Variants in ATP2B4 observed in about 807,000 individuals in gnomAD.
ATP2B4 encodes the protein plasma membrane calcium-transporting ATPase 4.
A neutral mutation model predicts 110.3 loss-of-function variants in ATP2B4; 39 were observed. The ratio of observed to expected loss-of-function variants is 0.35; its 90% confidence interval spans 0.27 to 0.46. The LOEUF (loss-of-function observed/expected upper bound fraction) is 0.46. Ranked by LOEUF, ATP2B4 falls within the 20% of genes least tolerant of loss-of-function variation. ATP2B4 has a pLI of 1.00. For missense variants in ATP2B4, 1,135 were observed against 1,530.9 expected, an observed-to-expected ratio of 0.74 and a Z score of 4.32; for synonymous variants, 538 against 571.7, an observed-to-expected ratio of 0.94 and a Z score of 0.84.
chr1:203,734,246 T>A (rs1444593093), intron 20 of ATP2B4, among the ~76,000 whole-genome samples: 2 of 149,952 alleles, frequency 1.3e-5, no homozygotes, highest in Non-Finnish European at 3.0e-5. Context: ...GAGGTTACAG[T>A]GAGCCAAGTG....
chr1:203,648,853 C>T (rs1349089752), intron 1 of ATP2B4, among the ~76,000 whole-genome samples: 1 of 152,182 alleles, frequency 6.6e-6, no homozygotes, highest in Non-Finnish European at 1.5e-5. Flanking sequence ...TTCATCATTA[C>T]ATTGGTTATC....
rs1289456075 is a variant in ATP2B4, at chr1:203,629,295, T to C, written c.-465+2076T>C. ...GGGAGGGGATCCATTTCTATACTCCTCCTCGGGAGTCCCATCCTCCCTGCC... is the reference window on the plus strand; with the variant it reads ...GGGAGGGGATCCATTTCTATACTCCCCCTCGGGAGTCCCATCCTCCCTGCC... On this transcript the variant is annotated intron_variant, in intron 1 of 20. Transcript: ENST00000357681. The surrounding 1 kb of genome is among the most constrained non-coding windows in gnomAD (Gnocchi z 4.6). Among the ~76,000 whole-genome samples the C allele has an allele frequency of 6.6e-6, 1 of 152,206 alleles. No individual in the cohort carries two copies. Among genetic ancestry groups the C allele is most frequent in the Non-Finnish European group, 1.5e-5 (1 of 68,024 alleles).
At chr1:203,648,214 C>T (rs1406888433) in intron 1 of ATP2B4, among the ~76,000 whole-genome samples, 1 of 151,932 alleles carries the variant, frequency 6.6e-6, no homozygotes, top group Non-Finnish European at 1.5e-5. Context: ...CCTTCATTCT[C>T]TTAAATGTAT....
chr1:203,717,066 C>T (rs1279039139), intron 15 of ATP2B4, among the ~76,000 whole-genome samples: 1 of 145,958 alleles, frequency 6.9e-6, no homozygotes, highest in Non-Finnish European at 1.5e-5. Flanking sequence ...GGCATGATGG[C>T]GGGCGCCTGT....
chr1:203,683,523 A>G (rs1665079952), intron 2 of ATP2B4, 125 bp downstream of exon 2: 10 of 947,068 alleles, frequency 1.1e-5, no homozygotes, highest in Non-Finnish European at 1.5e-5. Flanking sequence ...TCTGGTGGGA[A>G]AGGTATGGCA....
intron 1 of ATP2B4, among the ~76,000 whole-genome samples, chr1:203,674,455 T>C (rs952438415): frequency 2.7e-5 from 4 of 150,830 alleles, no homozygotes; most frequent in African/African-American, 4.8e-5. Context: ...GCTCTGGGCC[T>C]AAGGGACTGC....
At chr1:203,666,128 T>G (rs943168278) in intron 1 of ATP2B4, among the ~76,000 whole-genome samples, 22 of 152,302 alleles carry the variant, frequency 1.4e-4, no homozygotes, top group African/African-American at 5.1e-4. Flanking sequence ...AGTTGCTGCT[T>G]CTGGGTAGAG....
At chr1:203,636,710 T>A (rs1284080191) in intron 1 of ATP2B4, among the ~76,000 whole-genome samples, 1 of 152,224 alleles carries the variant, frequency 6.6e-6, no homozygotes, top group Non-Finnish European at 1.5e-5. Flanking sequence ...TCAACTGCAC[T>A]GTTACATGAA....
In ATP2B4 at chr1:203,683,127, A is replaced by G. The variant is rs1053441270; in HGVS notation, c.-79A>G. ...GCAAGAAGTAGGAAGAAGTTGAGAC[A>G]GGGAGGCAGGAGACACTGGTCAGTT... On this transcript the variant is annotated 5_prime_UTR_variant, in exon 2 of 21. Transcript: ENST00000357681. The G allele has an allele frequency of 8.1e-6, 12 of 1,489,460 alleles. No homozygotes were observed. Among genetic ancestry groups the G allele is most frequent in the Admixed American group, 4.0e-5 (2 of 50,092 alleles). The allele number at this position is 1,489,460 out of a possible 1,614,324, so 92.3% of individuals were successfully genotyped here. A position where few individuals can be genotyped will look rare whatever the true frequency, so the allele number is the denominator to read the frequency against.
intron 2 of ATP2B4, among the ~76,000 whole-genome samples, chr1:203,694,693 G>A (rs1665480717): frequency 6.6e-6 from 1 of 152,058 alleles, no homozygotes. Flanking sequence ...AAAGCCAGAG[G>A]GTTTTGAGCA....
At chr1:203,698,884 G>T (rs554268799) in intron 3 of ATP2B4, among the ~76,000 whole-genome samples, 1 of 152,002 alleles carries the variant, frequency 6.6e-6, no homozygotes, top group Non-Finnish European at 1.5e-5. Flanking sequence ...TGATCCACCC[G>T]CCTTGGCCTC....
intron 15 of ATP2B4, among the ~76,000 whole-genome samples, chr1:203,719,720 CTA>C (rs1491313946): frequency 1.8e-5 from 2 of 110,914 alleles, no homozygotes; most frequent in Non-Finnish European, 3.4e-5. Context: ...GTCTCAAAAA[CTA>C]TAAATAAATA....
chr1:203,694,764 A>G (rs1239940956), intron 2 of ATP2B4, among the ~76,000 whole-genome samples: 1 of 152,222 alleles, frequency 6.6e-6, no homozygotes, highest in Non-Finnish European at 1.5e-5. Flanking sequence ...TACATTGAGA[A>G]GAGACTAAGA....
At chr1:203,735,002 C>CA (rs35552196) in intron 20 of ATP2B4, among the ~76,000 whole-genome samples, 10,644 of 56,838 alleles carry the variant, frequency 0.19, 1,544 homozygotes, top group Admixed American at 0.31. Flanking sequence ...GACTCCATCT[C>CA]AAAAAAAAAA....
chr1:203,688,823 G>C (rs1462525919), intron 2 of ATP2B4, among the ~76,000 whole-genome samples: 1 of 150,456 alleles, frequency 6.6e-6, no homozygotes, highest in African/African-American at 2.5e-5. Flanking sequence ...ACATAAAAGA[G>C]AATACATGTT....
chr1:203,654,339 T>C (rs748348577), intron 1 of ATP2B4, among the ~76,000 whole-genome samples: 3 of 152,190 alleles, frequency 2.0e-5, no homozygotes, highest in Non-Finnish European at 4.4e-5. Flanking sequence ...AAAATACTAC[T>C]GCTCATTGAC....
At chr1:203,677,134 GTCC>G (rs1367697947) in intron 1 of ATP2B4, among the ~76,000 whole-genome samples, 4 of 152,100 alleles carry the variant, frequency 2.6e-5, no homozygotes, top group African/African-American at 9.7e-5. Flanking sequence ...AGAAGGAGAG[GTCC>G]TTCTTATAGG....
intron 1 of ATP2B4, among the ~76,000 whole-genome samples, chr1:203,662,687 CTTGT>C (rs1306479964): frequency 6.6e-6 from 1 of 152,198 alleles, no homozygotes; most frequent in Non-Finnish European, 1.5e-5. Flanking sequence ...ATGTGCCACA[CTTGT>C]TTGTCCATTC....
chr1:203,692,720 C>CCGATGT (rs1431188261), intron 2 of ATP2B4, among the ~76,000 whole-genome samples: 2 of 152,204 alleles, frequency 1.3e-5, no homozygotes, highest in Non-Finnish European at 2.9e-5. Flanking sequence ...AGTGCCTCTG[C>CCGATGT]CGATGTCGTT....
Sources: gnomAD v4.1 joint callset for allele counts (sites outside exome capture counted in the v4.1 genomes callset) on GRCh38, gnomAD v4.1.1 for gene constraint, Gnocchi (gnomAD v3.1) non-coding constraint, MANE v1.5 for transcripts, NCBI Gene and HGNC (gene_info 2026-07-23, HGNC 2026-07-21) for gene names.